The following CERS6 variants were observed in gnomAD, a reference collection of about 807,000 sequenced individuals.
CERS6 encodes ceramide synthase 6.
Under a neutral mutation model 56.8 loss-of-function variants are expected in CERS6, and 26 were observed. That is an observed-to-expected ratio of 0.46 (90% CI 0.34 to 0.63). The LOEUF is 0.63. Ranked by LOEUF, CERS6 falls within the 30% of genes least tolerant of loss-of-function variation. The probability of loss-of-function intolerance (pLI) is 0.01; values close to 1 mark genes in which losing one functional copy is unlikely to be tolerated. For synonymous variants in CERS6, 164 were observed against 173.3 expected (o/e 0.95, Z 0.42); for missense variants, 415 against 467.5 (o/e 0.89, Z 1.04).
intron 4 of CERS6, among the ~76,000 whole-genome samples, chr2:168,635,538 A>C (rs911193692): frequency 1.3e-5 from 2 of 152,216 alleles, no homozygotes; most frequent in African/African-American, 4.8e-5. Context: ...CCTTAAAGCC[A>C]GCAGAAGTGC....
At chr2:168,579,896 G>C (rs1185067843) in intron 3 of CERS6, among the ~76,000 whole-genome samples, 1 of 152,048 alleles carries the variant, frequency 6.6e-6, no homozygotes, top group Non-Finnish European at 1.5e-5. Context: ...CATCATCCTG[G>C]AACGTTCTGC....
rs1429561517 is a variant in CERS6, at chr2:168,631,699, TTTATATTTATA to T, written c.465+671_465+681del. On this transcript the variant is annotated intron_variant, in intron 4 of 9. Coordinates refer to ENST00000305747, the MANE Select transcript of CERS6 (RefSeq NM_203463.3). ...TATATTTATATTTATATATATTTAA[TTTATATTTATA>T]TTATATTTATATTTATATTATATAT... Among the ~76,000 whole-genome samples the T allele has an allele frequency of 3.7e-5, 4 of 107,648 alleles. No homozygotes were observed. The East Asian group carries it at 1.1e-3, about 28-fold the overall frequency. 70.6% of individuals were successfully genotyped at this position (107,648 alleles called of 152,430 possible).
chr2:168,592,047 A>G (rs570760250), intron 3 of CERS6, among the ~76,000 whole-genome samples: 2 of 152,356 alleles, frequency 1.3e-5, no homozygotes, highest in Middle Eastern at 6.8e-3. Context: ...AAAGAATTGC[A>G]TATAAGACAA....
At chr2:168,655,736 G>A (rs1685453859) in intron 4 of CERS6, among the ~76,000 whole-genome samples, 1 of 152,060 alleles carries the variant, frequency 6.6e-6, no homozygotes, top group African/African-American at 2.4e-5. Context: ...AATAGGGAGA[G>A]GTAAGTCAAA....
rs373692836 is a variant in CERS6, at chr2:168,670,976, C to T, written c.466-20058C>T. On this transcript the variant is annotated intron_variant, in intron 4 of 9. Transcript: ENST00000305747. ...TGCTGGATACATGCTTCCCCCCCCC[C>T]CCCCAGACGGAAGCTTGCTCTGTTG... Among the ~76,000 whole-genome samples, 30 of 75,940 alleles carry T rather than the reference C, an allele frequency of 4.0e-4. 5 individuals are homozygous for T. The highest frequency in any genetic ancestry group is 1.2e-3 in the Non-Finnish European group (26 of 22,370). 49.8% of individuals were successfully genotyped at this position (75,940 alleles called of 152,430 possible). A position where few individuals can be genotyped will look rare whatever the true frequency, so the allele number is the denominator to read the frequency against.
chr2:168,749,272 TC>T (rs79017297), intron 8 of CERS6, among the ~76,000 whole-genome samples: 12,677 of 152,242 alleles, frequency 0.083, 617 homozygotes, highest in Non-Finnish European at 0.11. Flanking sequence ...TGACCCCTCT[TC>T]GCTATCTGAA....
intron 4 of CERS6, among the ~76,000 whole-genome samples, chr2:168,638,740 T>C (rs1328442269): frequency 4.6e-5 from 7 of 152,218 alleles, no homozygotes; most frequent in Admixed American, 4.6e-4. Flanking sequence ...GAGAAGCCTT[T>C]CCTCATGTTG....
intron 2 of CERS6, among the ~76,000 whole-genome samples, chr2:168,548,899 G>A (rs1695514166): frequency 6.6e-6 from 1 of 152,098 alleles, no homozygotes; most frequent in Non-Finnish European, 1.5e-5. Flanking sequence ...CTCTTTTGAT[G>A]GTTTTTATGG....
intron 6 of CERS6, among the ~76,000 whole-genome samples, chr2:168,708,943 G>A (rs1687024027): frequency 3.3e-5 from 5 of 152,072 alleles, no homozygotes; most frequent in Admixed American, 3.3e-4. Context: ...AAAAATGGGT[G>A]AATTTTGTTT....
chr2:168,546,003 G>A (rs550260527), intron 1 of CERS6, among the ~76,000 whole-genome samples: 4 of 152,162 alleles, frequency 2.6e-5, no homozygotes, highest in African/African-American at 9.7e-5. Context: ...CTTACTGTTT[G>A]CTTTTGCTGG....
intron 3 of CERS6, among the ~76,000 whole-genome samples, chr2:168,598,318 T>G (rs1683849909): frequency 6.6e-6 from 1 of 152,192 alleles, no homozygotes. Flanking sequence ...CTTGAATATA[T>G]GGCAACCTCG....
chr2:168,564,837 G>A (rs914506978), intron 3 of CERS6, among the ~76,000 whole-genome samples: 6 of 152,182 alleles, frequency 3.9e-5, no homozygotes, highest in African/African-American at 1.2e-4. Context: ...GCCTTATGTG[G>A]TTACTTAACT....
At chr2:168,677,748 C>T (rs1392615748) in intron 4 of CERS6, among the ~76,000 whole-genome samples, 1 of 152,164 alleles carries the variant, frequency 6.6e-6, no homozygotes, top group Non-Finnish European at 1.5e-5. Context: ...CTGCCCACCT[C>T]GGCCTCCCAA....
intron 4 of CERS6, among the ~76,000 whole-genome samples, chr2:168,651,703 C>T (rs1157841750): frequency 6.6e-6 from 1 of 152,106 alleles, no homozygotes; most frequent in Non-Finnish European, 1.5e-5. Context: ...TGGGAGGAAC[C>T]ACCCCATGAT....
chr2:168,543,447 A>G (rs1466781958), intron 1 of CERS6, among the ~76,000 whole-genome samples: 1 of 151,486 alleles, frequency 6.6e-6, no homozygotes, highest in Non-Finnish European at 1.5e-5. Flanking sequence ...TTGTGAACTT[A>G]TTTATGTTAG....
intron 3 of CERS6, among the ~76,000 whole-genome samples, chr2:168,564,974 G>A (rs1001678242): frequency 9.2e-5 from 14 of 152,170 alleles, no homozygotes; most frequent in African/African-American, 2.9e-4. Context: ...AAATGGCATT[G>A]TTTTGGAAAG....
chr2:168,461,073 G>A (rs1184199354), intron 1 of CERS6, among the ~76,000 whole-genome samples: 2 of 152,100 alleles, frequency 1.3e-5, no homozygotes, highest in East Asian at 3.9e-4. Context: ...GGAAACAGTG[G>A]GGGTATCAGG....
intron 8 of CERS6, among the ~76,000 whole-genome samples, chr2:168,763,928 C>T (rs1396996178): frequency 6.6e-6 from 1 of 152,132 alleles, no homozygotes; most frequent in Admixed American, 6.5e-5. Flanking sequence ...GTCCAGATGA[C>T]ATGAGTCAAT....
intron 3 of CERS6, among the ~76,000 whole-genome samples, chr2:168,611,961 T>C (rs1009694035): frequency 3.3e-5 from 5 of 152,198 alleles, no homozygotes; most frequent in African/African-American, 1.2e-4. Flanking sequence ...TGTCTAGCCA[T>C]TGGCACTGGC....
Sources: gnomAD v4.1 joint callset for allele counts (sites outside exome capture counted in the v4.1 genomes callset) on GRCh38, gnomAD v4.1.1 for gene constraint, MANE v1.5 for transcripts, NCBI Gene and HGNC (gene_info 2026-07-23, HGNC 2026-07-21) for gene names.